The following ZNF385D variants were observed in gnomAD, a reference collection of about 807,000 sequenced individuals.
ZNF385D encodes the protein zinc finger protein 659.
Under a neutral mutation model 35.8 loss-of-function variants are expected in ZNF385D, and 15 were observed. The observed-to-expected ratio is 0.42, with a 90% CI of 0.28 to 0.64. The LOEUF is 0.64. Among genes scored for constraint, ZNF385D ranks in the 30% least tolerant of loss-of-function variants. The pLI is 0.23. For missense variants in ZNF385D, 474 were observed against 494.6 expected, an observed-to-expected ratio of 0.96 and a Z score of 0.39; for synonymous variants, 212 against 186.8, an observed-to-expected ratio of 1.13 and a Z score of -1.10.
At chr3:22,364,756 G>C (rs575589291) in intron 2 of ZNF385D, among the ~76,000 whole-genome samples, 24 of 152,172 alleles carry the variant, frequency 1.6e-4, no homozygotes, top group African/African-American at 5.1e-4. Context: ...CAAAAGGATT[G>C]AAAGTAGAGT....
At chr3:22,349,620 T>C (rs970847253) in intron 2 of ZNF385D, among the ~76,000 whole-genome samples, 2 of 152,220 alleles carry the variant, frequency 1.3e-5, no homozygotes, top group African/African-American at 4.8e-5. Context: ...AAGGTTTTAC[T>C]ATTTCTGGAA....
intron 2 of ZNF385D, among the ~76,000 whole-genome samples, chr3:22,311,944 C>G (rs1338224381): frequency 2.0e-5 from 3 of 152,086 alleles, no homozygotes; most frequent in Non-Finnish European, 4.4e-5. Context: ...TGAGGCTACA[C>G]AAAGTAGCCT....
chr3:22,095,626 G>C (rs1266692469), intron 3 of ZNF385D, among the ~76,000 whole-genome samples: 1 of 151,324 alleles, frequency 6.6e-6, no homozygotes, highest in South Asian at 2.1e-4. Flanking sequence ...GACTTTTCCT[G>C]AGTGCAGTGT....
chr3:21,748,551 A>G (rs148516032), intron 1 of ZNF385D, among the ~76,000 whole-genome samples: 359 of 152,296 alleles, frequency 2.4e-3, no homozygotes, highest in Middle Eastern at 0.01. Context: ...GGGGACACAA[A>G]TAAAGGATTT....
chr3:21,955,724 C>G (rs1456086929), intron 3 of ZNF385D, among the ~76,000 whole-genome samples: 1 of 152,134 alleles, frequency 6.6e-6, no homozygotes, highest in African/African-American at 2.4e-5. Flanking sequence ...TCGATTAACT[C>G]ATTGAGTTAT....
intron 1 of ZNF385D, among the ~76,000 whole-genome samples, chr3:21,690,621 C>T (rs2067251108): frequency 6.6e-6 from 1 of 152,160 alleles, no homozygotes; most frequent in South Asian, 2.1e-4. Flanking sequence ...GTGTATAACA[C>T]TTACCTTGAA....
At chr3:21,792,989 A>G (rs1029995934) in intron 3 of ZNF385D, among the ~76,000 whole-genome samples, 1 of 152,198 alleles carries the variant, frequency 6.6e-6, no homozygotes, top group Non-Finnish European at 1.5e-5. Flanking sequence ...CATAATGCAA[A>G]TAACATTTTA....
At chr3:21,699,710 A>G (rs1329778037) in intron 1 of ZNF385D, among the ~76,000 whole-genome samples, 1 of 152,012 alleles carries the variant, frequency 6.6e-6, no homozygotes, top group East Asian at 1.9e-4. Context: ...TTATTAAGTA[A>G]AATACATTAT....
intron 3 of ZNF385D, among the ~76,000 whole-genome samples, chr3:21,785,516 G>GCT (rs2125646019): frequency 6.6e-6 from 1 of 152,258 alleles, no homozygotes; most frequent in African/African-American, 2.4e-5. Flanking sequence ...CCAGAAACTT[G>GCT]AATAGCTAAA....
At chr3:21,781,317 C>T (rs890989435) in intron 3 of ZNF385D, among the ~76,000 whole-genome samples, 1 of 151,972 alleles carries the variant, frequency 6.6e-6, no homozygotes, top group Non-Finnish European at 1.5e-5. Context: ...AAACCTCTTG[C>T]CTATGTAGGA....
At chr3:22,079,031 C>T (rs1311774031) in intron 3 of ZNF385D, among the ~76,000 whole-genome samples, 1 of 151,886 alleles carries the variant, frequency 6.6e-6, no homozygotes, top group Non-Finnish European at 1.5e-5. Context: ...ATAACCAGAG[C>T]TTACATGAAA....
rs541533371 is a variant in ZNF385D, at chr3:21,578,846, A to AT, written c.166-14163dup. Among the ~76,000 whole-genome samples, 42 of 152,054 alleles carry AT rather than the reference A, an allele frequency of 2.8e-4. No individual in the cohort carries two copies. In the South Asian group the frequency reaches 7.3e-3, roughly 26 times the overall value. On this transcript the variant is annotated intron_variant, in intron 2 of 7. Transcript: ENST00000281523. ...TTTGTGGTTCCATATGAATTTCAGG[A>AT]TTTTTTTCTATTTCCATGAAAAATA...
At chr3:21,567,449 A>C (rs60276747) in intron 2 of ZNF385D, among the ~76,000 whole-genome samples, 4,355 of 152,258 alleles carry the variant, frequency 0.029, 141 homozygotes, top group South Asian at 0.11. Context: ...AGGGCCACAC[A>C]AATGTGTGAA....
intron 3 of ZNF385D, among the ~76,000 whole-genome samples, chr3:21,831,488 C>G (rs558530472): frequency 6.6e-6 from 1 of 152,300 alleles, no homozygotes; most frequent in East Asian, 1.9e-4. Flanking sequence ...AGCTTTGTTC[C>G]AAGCTAGTGG....
chr3:22,131,682 G>C (rs937954878), intron 3 of ZNF385D, among the ~76,000 whole-genome samples: 1 of 152,168 alleles, frequency 6.6e-6, no homozygotes, highest in Admixed American at 6.6e-5. Flanking sequence ...TGATGGCAGA[G>C]CATATGACTA....
chr3:22,173,189 T>C (rs569838447), intron 2 of ZNF385D, among the ~76,000 whole-genome samples: 11 of 152,268 alleles, frequency 7.2e-5, no homozygotes, highest in East Asian at 1.9e-4. Flanking sequence ...GTCTGAGAAA[T>C]TGTTACAGCC....
intron 2 of ZNF385D, among the ~76,000 whole-genome samples, chr3:22,254,999 T>A (rs1559481546): frequency 1.3e-5 from 2 of 151,830 alleles, no homozygotes; most frequent in African/African-American, 2.4e-5. Context: ...TGGCACACGA[T>A]TTCATCACAT....
intron 3 of ZNF385D, among the ~76,000 whole-genome samples, chr3:22,151,563 G>A (rs114587030): frequency 3.5e-4 from 53 of 152,208 alleles, no homozygotes; most frequent in African/African-American, 1.2e-3. Context: ...CAAGGTCTGC[G>A]TGTGACTAAA....
intron 2 of ZNF385D, among the ~76,000 whole-genome samples, chr3:22,266,849 T>C (rs1223225360): frequency 6.6e-6 from 1 of 151,928 alleles, no homozygotes; most frequent in Non-Finnish European, 1.5e-5. Flanking sequence ...AAAGTCATGT[T>C]CTCTTTTCTG....
Sources: allele counts gnomAD v4.1 joint callset (sites outside exome capture counted in the v4.1 genomes callset), GRCh38; gene constraint gnomAD v4.1.1; transcripts MANE v1.5; gene names NCBI Gene and HGNC (gene_info 2026-07-23, HGNC 2026-07-21).